Variants in CADM2 observed in about 807,000 individuals in gnomAD.
The protein encoded by CADM2 is cell adhesion molecule 2, also known as immunoglobulin superfamily member 4D.
CADM2 carries 12 observed loss-of-function variants against 49.8 expected under a neutral mutation model. The observed-to-expected ratio is 0.24, with a 90% CI of 0.15 to 0.39. The LOEUF (loss-of-function observed/expected upper bound fraction) is 0.39, where lower values mean the gene tolerates loss of function less well. Among genes scored for constraint, CADM2 ranks in the 10% least tolerant of loss-of-function variants. CADM2 has a pLI of 1.00. For missense variants in CADM2, 378 were observed against 492.3 expected, an observed-to-expected ratio of 0.77 and a Z score of 2.20; for synonymous variants, 214 against 175.4, an observed-to-expected ratio of 1.22 and a Z score of -1.74.
intron 1 of CADM2, among the ~76,000 whole-genome samples, chr3:85,120,505 G>T (rs1248673454): frequency 6.6e-6 from 1 of 152,142 alleles, no homozygotes; most frequent in Non-Finnish European, 1.5e-5. Context: ...CATAAAAAAA[G>T]AATGAGTTCA....
intron 7 of CADM2, among the ~76,000 whole-genome samples, chr3:85,943,852 A>T (rs2108563394): frequency 6.6e-6 from 1 of 152,230 alleles, no homozygotes; most frequent in African/African-American, 2.4e-5. Flanking sequence ...TGCTAAGTAG[A>T]AACTGCATCA....
rs1486705400 is a variant in CADM2 at position 85,568,439 on chromosome 3, C to A, written c.62-158083C>A. On this transcript the variant is annotated intron_variant, in intron 1 of 9. Transcript: ENST00000383699. ...TCTTTCTTTCTTTCTTTCTTTCTTT[C>A]TTTCTTTCTTTCTTTCTTTCTTTCT... Among the ~76,000 whole-genome samples, 2 of 35,400 alleles carry A rather than the reference C, an allele frequency of 5.6e-5. 1 individual carries two copies. The highest frequency in any genetic ancestry group is 1.1e-4 in the Non-Finnish European group (2 of 17,708). 23.2% of individuals were successfully genotyped at this position (35,400 alleles called of 152,430 possible).
At chr3:85,798,681 A>G (rs1374585045) in intron 2 of CADM2, among the ~76,000 whole-genome samples, 1 of 152,128 alleles carries the variant, frequency 6.6e-6, no homozygotes, top group Non-Finnish European at 1.5e-5. Flanking sequence ...GCCTTGTGAT[A>G]TAGTTTTAAG....
chr3:85,621,126 G>T lies in CADM2; in HGVS notation c.62-105396G>T, dbSNP rs184896715. Among the ~76,000 whole-genome samples, 7 of 152,212 alleles carry T rather than the reference G, an allele frequency of 4.6e-5. No individual in the cohort carries two copies. In the East Asian group the frequency reaches 1.4e-3, roughly 29 times the overall value. ...ATACCAATGCAAGAAAATGACCTCT[G>T]TTCTAACAAAGACGCACAATTATTT... On this transcript the variant is annotated intron_variant, in intron 1 of 9. Transcript: ENST00000383699.
At chr3:85,026,342 G>A (rs2034725863) in intron 1 of CADM2, among the ~76,000 whole-genome samples, 2 of 152,020 alleles carry the variant, frequency 1.3e-5, no homozygotes, top group South Asian at 4.1e-4. Context: ...TAAATTAGAT[G>A]TACAATTATG....
intron 1 of CADM2, among the ~76,000 whole-genome samples, chr3:85,267,986 A>G (rs1463722960): frequency 6.6e-6 from 1 of 151,300 alleles, no homozygotes; most frequent in Non-Finnish European, 1.5e-5. Flanking sequence ...AATGCCATGG[A>G]TATATTGGAG....
rs1268886854 is a variant in CADM2, at chr3:86,069,727, G to C, written c.*2944G>C. On this transcript the variant is annotated 3_prime_UTR_variant, in exon 10 of 10. Transcript: ENST00000383699. ...ACACACACACCCTTAGTAGAATATG[G>C]AGCATTATTCTTTACCAAAAGTAGC... The C allele has an allele frequency of 6.6e-6, 1 of 151,948 alleles. No homozygotes were observed. The highest frequency in any genetic ancestry group is 2.4e-5 in the African/African-American group (1 of 41,412). The allele number at this position is 151,948 out of a possible 1,614,324, so 9.4% of individuals were successfully genotyped here.
At chr3:85,242,338 T>C (rs1464185593) in intron 1 of CADM2, among the ~76,000 whole-genome samples, 7 of 151,532 alleles carry the variant, frequency 4.6e-5, no homozygotes. Context: ...AAAAAAACAG[T>C]ATTACCATAT....
chr3:85,146,982 C>T (rs2039763774), intron 1 of CADM2, among the ~76,000 whole-genome samples: 1 of 151,918 alleles, frequency 6.6e-6, no homozygotes, highest in Non-Finnish European at 1.5e-5. Context: ...TGAAATACTA[C>T]ATGAGTAAGG....
intron 6 of CADM2, among the ~76,000 whole-genome samples, chr3:85,931,841 G>T (rs965097929): frequency 6.6e-6 from 1 of 151,620 alleles, no homozygotes; most frequent in African/African-American, 2.4e-5. Flanking sequence ...TACAGGTTAT[G>T]CAGGACTTAA....
chr3:84,982,175 A>G (rs1258580551), intron 1 of CADM2, among the ~76,000 whole-genome samples: 1 of 152,206 alleles, frequency 6.6e-6, no homozygotes, highest in Non-Finnish European at 1.5e-5. Flanking sequence ...TTAGAAGGAC[A>G]CTTTCTCAGT....
At chr3:85,965,280 A>G (rs1725333561) in intron 8 of CADM2, among the ~76,000 whole-genome samples, 1 of 147,642 alleles carries the variant, frequency 6.8e-6, no homozygotes, top group African/African-American at 2.5e-5. Context: ...AATATAAATA[A>G]TCATAATAAA....
chr3:85,386,853 TCC>T (rs2034259479), intron 1 of CADM2, among the ~76,000 whole-genome samples: 1 of 152,158 alleles, frequency 6.6e-6, no homozygotes, highest in Non-Finnish European at 1.5e-5. Flanking sequence ...ACAACATGTT[TCC>T]CCATTTGCAT....
chr3:85,064,980 G>C (rs1458298418), intron 1 of CADM2, among the ~76,000 whole-genome samples: 2 of 152,036 alleles, frequency 1.3e-5, no homozygotes, highest in Non-Finnish European at 2.9e-5. Context: ...AATATCTGTT[G>C]AATATAACAG....
chr3:85,769,129 C>T (rs1402911531), intron 2 of CADM2, among the ~76,000 whole-genome samples: 1 of 45,044 alleles, frequency 2.2e-5, no homozygotes, highest in Non-Finnish European at 3.4e-5. Flanking sequence ...CACATATATA[C>T]ATATATAGTA....
rs193128184 is a variant in CADM2 at position 85,515,120 on chromosome 3, C to G, written c.62-211402C>G. Among the ~76,000 whole-genome samples, 203 of 152,058 alleles carry G rather than the reference C, an allele frequency of 1.3e-3. 4 individuals are homozygous for G. Among genetic ancestry groups the G allele is most frequent in the Admixed American group, 0.013 (202 of 15,260 alleles). ...CACTTAATTTCTTGTTAACTCAATC[C>G]TTTTGTAATCATCAGATGGGCATCT... On this transcript the variant is annotated intron_variant, in intron 1 of 9. Coordinates refer to ENST00000383699, the MANE Select transcript of CADM2 (RefSeq NM_001167675.2).
chr3:85,600,616 C>G (rs1225414546), intron 1 of CADM2, among the ~76,000 whole-genome samples: 2 of 151,316 alleles, frequency 1.3e-5, no homozygotes, highest in Non-Finnish European at 3.0e-5. Flanking sequence ...AGGAAGTTTT[C>G]TAAATGCCTC....
At chr3:84,992,915 T>C (rs2032972316) in intron 1 of CADM2, among the ~76,000 whole-genome samples, 1 of 152,112 alleles carries the variant, frequency 6.6e-6, no homozygotes, top group African/African-American at 2.4e-5. Flanking sequence ...TTTCAAGTAG[T>C]AGATTTCATG....
intron 8 of CADM2, among the ~76,000 whole-genome samples, chr3:86,064,209 C>T (rs1739041562): frequency 6.6e-6 from 1 of 152,024 alleles, no homozygotes; most frequent in South Asian, 2.1e-4. Context: ...TCCCCTCTTC[C>T]CCCACCCCAC....
Sources: allele counts gnomAD v4.1 joint callset (sites outside exome capture counted in the v4.1 genomes callset), GRCh38; gene constraint gnomAD v4.1.1; transcripts MANE v1.5; gene names NCBI Gene and HGNC (gene_info 2026-07-23, HGNC 2026-07-21).